EYS: variants seen among roughly 807,000 people sequenced by gnomAD.
The protein encoded by EYS is protein eyes shut homolog.
A neutral mutation model predicts 282.1 loss-of-function variants in EYS; 250 were observed. That is an observed-to-expected ratio of 0.89 (90% CI 0.80 to 0.98). The LOEUF is 0.98. Among genes scored for constraint, EYS ranks in the 50% least tolerant of loss-of-function variants. EYS has a pLI of 0.00. For missense variants in EYS, 4,016 were observed against 3,709.0 expected, an observed-to-expected ratio of 1.08 and a Z score of -2.15; for synonymous variants, 1,355 against 1,282.9, an observed-to-expected ratio of 1.06 and a Z score of -1.20.
intron 19 of EYS, among the ~76,000 whole-genome samples, chr6:64,843,790 T>G: frequency 6.6e-6 from 1 of 152,108 alleles, no homozygotes; most frequent in East Asian, 1.9e-4. Flanking sequence ...TGATTGATTT[T>G]GAAATGTGAG....
chr6:65,600,730 T>C (rs1465385510), intron 2 of EYS, among the ~76,000 whole-genome samples: 2 of 152,130 alleles, frequency 1.3e-5, no homozygotes, highest in Middle Eastern at 3.4e-3. Flanking sequence ...TTAGTAGTTA[T>C]ATAATTATGT....
At chr6:65,664,308 C>CAG (rs1768126563) in intron 1 of EYS, among the ~76,000 whole-genome samples, 1 of 152,052 alleles carries the variant, frequency 6.6e-6, no homozygotes, top group African/African-American at 2.4e-5. Flanking sequence ...GAAGAAAGGG[C>CAG]AGACTGAGAT....
At chr6:64,712,445 A>G (rs1006861818) in intron 22 of EYS, among the ~76,000 whole-genome samples, 2 of 152,198 alleles carry the variant, frequency 1.3e-5, no homozygotes, top group Non-Finnish European at 2.9e-5. Context: ...AGGACGAGGA[A>G]GCTGGAGGAA....
intron 39 of EYS, 112 bp from the exon 40 acceptor site, chr6:63,778,292 T>C: frequency 1.8e-6 from 2 of 1,125,750 alleles, no homozygotes; most frequent in Non-Finnish European, 1.3e-6. Context: ...AAGTAATACA[T>C]GTAAATTTTA....
In EYS at chr6:65,244,990, A is replaced by C. The variant is rs534491734; in HGVS notation, c.2023+50873T>G. ...ACTATTTTAGCACAAAGTTAATTTA[A>C]ATATTTGAAACAAATAGGACATAAA... On this transcript the variant is annotated intron_variant, in intron 12 of 42. Coordinates refer to ENST00000503581, the MANE Select transcript of EYS (RefSeq NM_001142800.2). 4.6e-5 allele frequency among the ~76,000 whole-genome samples: 7 copies of C among 152,330 alleles called. No homozygotes were observed. In the East Asian group the frequency reaches 1.4e-3, roughly 29 times the overall value.
intron 22 of EYS, among the ~76,000 whole-genome samples, chr6:64,762,362 C>A (rs1042895115): frequency 6.6e-6 from 1 of 152,148 alleles, no homozygotes; most frequent in Non-Finnish European, 1.5e-5. Context: ...ACTCAATTCA[C>A]TCATTACCTG....
intron 35 of EYS, among the ~76,000 whole-genome samples, chr6:63,937,395 T>TTTTTTTTTTTTTTTTTTTTTTG (rs1562104508): frequency 9.1e-6 from 1 of 109,610 alleles, no homozygotes; most frequent in African/African-American, 3.8e-5. Context: ...TTTTTTTTTT[T>TTTTTTTTTTTTTTTTTTTTTTG]TTTGAGACGG....
chr6:64,338,421 C>A (rs1232144093), intron 29 of EYS, among the ~76,000 whole-genome samples: 1 of 151,744 alleles, frequency 6.6e-6, no homozygotes, highest in Non-Finnish European at 1.5e-5. Flanking sequence ...TATACCTAAC[C>A]AAGGAGGTGA....
At chr6:63,952,817 C>A (rs1034187903) in intron 35 of EYS, among the ~76,000 whole-genome samples, 18 of 152,142 alleles carry the variant, frequency 1.2e-4, no homozygotes, top group Non-Finnish European at 2.5e-4. Context: ...GATCATGCAA[C>A]CTTACCATCC....
At chr6:64,143,184 A>G (rs1353032445) in intron 31 of EYS, among the ~76,000 whole-genome samples, 1 of 152,010 alleles carries the variant, frequency 6.6e-6, no homozygotes, top group Non-Finnish European at 1.5e-5. Flanking sequence ...GGATGAATAG[A>G]CCTTGCACAG....
chr6:64,677,477 T>C (rs570383751), intron 22 of EYS, among the ~76,000 whole-genome samples: 1 of 152,326 alleles, frequency 6.6e-6, no homozygotes, highest in African/African-American at 2.4e-5. Context: ...TCGGTAAGCA[T>C]CTTTCATGAG....
At position 65,389,864 on chromosome 6, in the gene EYS, T is replaced by C. The variant is rs148793416; in HGVS notation, c.1185-5364A>G. On this transcript the variant is annotated intron_variant, in intron 7 of 42. Coordinates refer to ENST00000503581, the MANE Select transcript of EYS (RefSeq NM_001142800.2). ...TTGGTGTTTTCAGGTCAATGGAACATAGAAAAAGAGAATCAAGGAATTTGA... is the reference window on the plus strand; with the variant it reads ...TTGGTGTTTTCAGGTCAATGGAACACAGAAAAAGAGAATCAAGGAATTTGA... 3.3e-5 allele frequency among the ~76,000 whole-genome samples: 5 copies of C among 152,134 alleles called. No individual in the cohort carries two copies. The East Asian group carries it at 9.7e-4, about 30-fold the overall frequency.
At position 64,421,426 on chromosome 6, in the gene EYS, T is replaced by G. The variant is rs549737380; in HGVS notation, c.5927+14748A>C. 1.2e-3 allele frequency among the ~76,000 whole-genome samples: 186 copies of G among 152,268 alleles called. 1 individual carries two copies. The highest frequency in any genetic ancestry group is 4.2e-3 in the African/African-American group (175 of 41,570). On this transcript the variant is annotated intron_variant, in intron 28 of 42. Transcript: ENST00000503581. ...TGGGGACAAAGCCAAATCATATCAG[T>G]GGCTATGGTTGAAGGGGAGGGCAAT...
At chr6:64,297,328 T>C (rs1261481834) in intron 30 of EYS, among the ~76,000 whole-genome samples, 4 of 152,168 alleles carry the variant, frequency 2.6e-5, no homozygotes, top group African/African-American at 4.8e-5. Context: ...CCATTAAAGA[T>C]TGGAACATTC....
chr6:65,449,154 G>T (rs1421591677), intron 5 of EYS, among the ~76,000 whole-genome samples: 8 of 151,992 alleles, frequency 5.3e-5, no homozygotes, highest in Non-Finnish European at 5.9e-5. Context: ...GCCTTCTGAG[G>T]CTTCTGTTGT....
chr6:64,450,312 C>T (rs960681397), intron 26 of EYS, among the ~76,000 whole-genome samples: 5 of 152,086 alleles, frequency 3.3e-5, no homozygotes, highest in African/African-American at 1.2e-4. Flanking sequence ...AACTAACTAT[C>T]CTAAATATAT....
intron 31 of EYS, among the ~76,000 whole-genome samples, chr6:64,132,708 A>T (rs1049802972): frequency 1.1e-4 from 17 of 151,880 alleles, no homozygotes; most frequent in Non-Finnish European, 2.4e-4. Context: ...ATAAATATTT[A>T]AAAATATTCA....
intron 26 of EYS, among the ~76,000 whole-genome samples, chr6:64,545,219 C>T (rs561675398): frequency 1.6e-4 from 25 of 152,232 alleles, no homozygotes; most frequent in East Asian, 5.8e-4. Context: ...GTTCAACATA[C>T]GCAAATCAAT....
chr6:65,372,134 TA>T (rs903594122), intron 8 of EYS, among the ~76,000 whole-genome samples: 3 of 151,552 alleles, frequency 2.0e-5, no homozygotes, highest in East Asian at 1.9e-4. Flanking sequence ...ATAGGAGATT[TA>T]AAAAAAATAA....
Sources: allele counts gnomAD v4.1 joint callset (sites outside exome capture counted in the v4.1 genomes callset), GRCh38; gene constraint gnomAD v4.1.1; transcripts MANE v1.5; gene names NCBI Gene and HGNC (gene_info 2026-07-23, HGNC 2026-07-21).